SGIP1: variants seen among roughly 807,000 people sequenced by gnomAD.
SGIP1 encodes SH3-containing GRB2-like protein 3-interacting protein 1.
SGIP1 carries 38 observed loss-of-function variants against 107.5 expected under a neutral mutation model. The ratio of observed to expected loss-of-function variants is 0.35; its 90% CI spans 0.27 to 0.46. The LOEUF is 0.46. Ranked by LOEUF, SGIP1 falls within the 20% of genes least tolerant of loss-of-function variation. The pLI is 1.00. For missense variants in SGIP1, 929 were observed against 1,019.5 expected, an observed-to-expected ratio of 0.91 and a Z score of 1.21; for synonymous variants, 365 against 366.1, an observed-to-expected ratio of 1.00 and a Z score of 0.03.
intron 7 of SGIP1, among the ~76,000 whole-genome samples, chr1:66,648,012 G>A (rs965315185): frequency 1.3e-5 from 2 of 152,130 alleles, no homozygotes; most frequent in South Asian, 2.1e-4. Context: ...ATGTGGGGTG[G>A]GCAGAGGGAG....
rs760990971 is a variant in SGIP1 at position 66,743,210 on chromosome 1, A to G, written c.*115A>G. On this transcript the variant is annotated 3_prime_UTR_variant, in exon 25 of 25. Transcript: ENST00000371037. ...CCAATATCTGCACTTGGGATATATCAGGTGGAAAGTCAATGACTTTCATCT... is the reference window on the plus strand; with the variant it reads ...CCAATATCTGCACTTGGGATATATCGGGTGGAAAGTCAATGACTTTCATCT... The G allele has an allele frequency of 4.2e-5, 44 of 1,042,242 alleles. No individual in the cohort carries two copies. The highest frequency in any genetic ancestry group is 2.4e-4 in the Middle Eastern group (1 of 4,162). 64.6% of individuals were successfully genotyped at this position (1,042,242 alleles called of 1,614,324 possible).
chr1:66,625,818 G>C (rs372365867), intron 1 of SGIP1, 29 bp from the exon 2 acceptor site: 1 of 1,604,656 alleles, frequency 6.2e-7, no homozygotes, highest in African/African-American at 1.3e-5. Flanking sequence ...TGCTGAGAGA[G>C]TTTTTGACCC....
chr1:66,654,798 G>GTAGCTTGAAATAGCAGCCA (rs2079424999), intron 7 of SGIP1, among the ~76,000 whole-genome samples: 1 of 152,184 alleles, frequency 6.6e-6, no homozygotes, highest in African/African-American at 2.4e-5. Flanking sequence ...CCTTGGAGCT[G>GTAGCTTGAAATAGCAGCCA]TAGCTTGAAA....
chr1:66,579,982 C>A (rs1488514928), intron 1 of SGIP1, among the ~76,000 whole-genome samples: 1 of 152,042 alleles, frequency 6.6e-6, no homozygotes, highest in Non-Finnish European at 1.5e-5. Context: ...GATATAATCA[C>A]TCCTCACCTT....
At chr1:66,677,472 C>T (rs190064276) in intron 13 of SGIP1, among the ~76,000 whole-genome samples, 1 of 152,310 alleles carries the variant, frequency 6.6e-6, no homozygotes, top group African/African-American at 2.4e-5. Context: ...ACGGTCTCTG[C>T]TCATCCTATA....
At chr1:66,563,466 G>A (rs1159307076) in intron 1 of SGIP1, among the ~76,000 whole-genome samples, 1 of 152,024 alleles carries the variant, frequency 6.6e-6, no homozygotes, top group African/African-American at 2.4e-5. Context: ...AGGTGAAGGG[G>A]AAGAAAGACA....
chr1:66,625,772 T>G, intron 1 of SGIP1, 75 bp from the exon 2 acceptor site: 1 of 1,274,324 alleles, frequency 7.8e-7, no homozygotes, highest in South Asian at 1.3e-5. Context: ...GTCTAACTGG[T>G]GTGTTACAAC....
chr1:66,589,204 A>ATGTGTGTGTGTG lies in SGIP1; in HGVS notation c.11-36642_11-36641insGTGTGTGTGTGT, dbSNP rs1207408964. ...TATATATATATATATATATATATAT[A>ATGTGTGTGTGTG]TATATATATATATGTAAGGCTTGGG... On this transcript the variant is annotated intron_variant, in intron 1 of 24. Coordinates refer to ENST00000371037, the MANE Select transcript of SGIP1 (RefSeq NM_032291.4). Among the ~76,000 whole-genome samples the ATGTGTGTGTGTG allele has an allele frequency of 4.0e-3, 231 of 57,500 alleles. 3 individuals are homozygous for ATGTGTGTGTGTG. The highest frequency in any genetic ancestry group is 8.2e-3 in the South Asian group (6 of 736). The allele number at this position is 57,500 out of a possible 152,430, so 37.7% of individuals were successfully genotyped here.
chr1:66,711,874 T>C (rs943457427), intron 18 of SGIP1, among the ~76,000 whole-genome samples: 2 of 152,192 alleles, frequency 1.3e-5, no homozygotes, highest in Admixed American at 1.3e-4. Flanking sequence ...CTGGCATTAG[T>C]GGTGCAGATC....
intron 8 of SGIP1, among the ~76,000 whole-genome samples, chr1:66,667,207 C>G (rs775042840): frequency 6.6e-6 from 1 of 151,868 alleles, no homozygotes; most frequent in Non-Finnish European, 1.5e-5. Flanking sequence ...TGGAGAAAAA[C>G]TTCTACGGCA....
At chr1:66,536,697 A>G (rs949204466) in intron 1 of SGIP1, among the ~76,000 whole-genome samples, 5 of 152,216 alleles carry the variant, frequency 3.3e-5, no homozygotes, top group African/African-American at 1.2e-4. Context: ...TCTTCGTTGA[A>G]ACATTAGTGG....
intron 7 of SGIP1, among the ~76,000 whole-genome samples, chr1:66,659,688 T>C (rs1436591316): frequency 6.6e-6 from 1 of 151,964 alleles, no homozygotes; most frequent in Non-Finnish European, 1.5e-5. Context: ...GGTGGGAGGA[T>C]CACTTGAGAC....
At chr1:66,547,226 T>C (rs976957342) in intron 1 of SGIP1, among the ~76,000 whole-genome samples, 1 of 152,170 alleles carries the variant, frequency 6.6e-6, no homozygotes, top group African/African-American at 2.4e-5. Flanking sequence ...GATTTTTTTT[T>C]CATTTTTGGA....
chr1:66,601,820 C>A (rs549520404), intron 1 of SGIP1, among the ~76,000 whole-genome samples: 1 of 152,174 alleles, frequency 6.6e-6, no homozygotes, highest in African/African-American at 2.4e-5. Flanking sequence ...TTGTCAAGAC[C>A]CTGTAAATTG....
intron 8 of SGIP1, among the ~76,000 whole-genome samples, chr1:66,662,701 A>T (rs2081753795): frequency 1.3e-5 from 2 of 152,218 alleles, no homozygotes; most frequent in Non-Finnish European, 2.9e-5. Flanking sequence ...AAATAGTTTC[A>T]ACATATAAAA....
intron 1 of SGIP1, among the ~76,000 whole-genome samples, chr1:66,583,305 G>A (rs1379717876): frequency 6.6e-6 from 1 of 152,082 alleles, no homozygotes; most frequent in Admixed American, 6.6e-5. Context: ...TGTAGTCTAT[G>A]TAATGTTTGC....
chr1:66,673,181 A>G (rs1192133379), intron 11 of SGIP1, 100 bp from the exon 12 acceptor site: 6 of 1,215,494 alleles, frequency 4.9e-6, no homozygotes, highest in Admixed American at 1.7e-5. Context: ...GCACACACAC[A>G]CTTGTTTCAC....
At chr1:66,573,001 T>C (rs1230286165) in intron 1 of SGIP1, among the ~76,000 whole-genome samples, 1 of 152,014 alleles carries the variant, frequency 6.6e-6, no homozygotes, top group Non-Finnish European at 1.5e-5. Flanking sequence ...ATGTCCAGAA[T>C]AGGCAAATCT....
chr1:66,740,293 G>A (rs2094406552), intron 22 of SGIP1, among the ~76,000 whole-genome samples: 1 of 152,052 alleles, frequency 6.6e-6, no homozygotes. Flanking sequence ...AGCAAAAAGT[G>A]GAATTTGTTT....
Sources: allele counts gnomAD v4.1 joint callset (sites outside exome capture counted in the v4.1 genomes callset), GRCh38; gene constraint gnomAD v4.1.1; transcripts MANE v1.5; gene names NCBI Gene and HGNC (gene_info 2026-07-23, HGNC 2026-07-21).